Variants in ALB observed in about 807,000 individuals in gnomAD.
ALB encodes serum albumin.
Under a neutral mutation model 74.5 loss-of-function variants are expected in ALB, and 37 were observed. The ratio of observed to expected loss-of-function variants is 0.50; its 90% CI spans 0.38 to 0.65. The LOEUF is 0.65. ALB is among the 30% of genes least tolerant of loss of function. The probability of loss-of-function intolerance (pLI) is 0.00; values close to 1 mark genes in which losing one functional copy is unlikely to be tolerated. For synonymous variants in ALB, 249 were observed against 251.6 expected, an observed-to-expected ratio of 0.99 and a Z score of 0.10; for missense variants, 685 against 718.7, an observed-to-expected ratio of 0.95 and a Z score of 0.54.
chr4:73,419,452 A>G (rs1376425261), intron 12 of ALB, 55 bp from the exon 13 acceptor site: 37 of 1,553,834 alleles, frequency 2.4e-5, no homozygotes, highest in South Asian at 5.8e-5. Context: ...CCATTTTTCT[A>G]TACGTGAGTA....
In ALB at chr4:73,413,342, G is replaced by A. The variant is rs1433294596; in HGVS notation, c.844-78G>A. 3 of 1,308,514 alleles carry A rather than the reference G, an allele frequency of 2.3e-6. No individual in the cohort carries two copies. The African/African-American group carries it at 4.4e-5, about 19-fold the overall frequency. 81.1% of individuals were successfully genotyped at this position (1,308,514 alleles called of 1,614,324 possible). A position where few individuals can be genotyped will look rare whatever the true frequency, so the allele number is the denominator to read the frequency against. On this transcript the variant is annotated intron_variant, in intron 7 of 14. Transcript: ENST00000295897. ...TCTTAGAATACAATGAATATGTTCT[G>A]CCAACTTAATAAAGGTCTGAGGAGA...
intron 10 of ALB, 29 bp from the exon 11 acceptor site, chr4:73,417,502 G>C (rs1376236677): frequency 6.2e-7 from 1 of 1,613,374 alleles, no homozygotes; most frequent in African/African-American, 1.3e-5. Flanking sequence ...TTCTTGCCTT[G>C]CTGAAAACAC....
rs190082985 is a variant in ALB, at chr4:73,419,417, G to C, written c.1653-90G>C. 34 of 1,406,770 alleles carry C rather than the reference G, an allele frequency of 2.4e-5. No individual in the cohort carries two copies. The East Asian group carries it at 8.1e-4, about 34-fold the overall frequency. The allele number at this position is 1,406,770 out of a possible 1,614,324, so 87.1% of individuals were successfully genotyped here. A position where few individuals can be genotyped will look rare whatever the true frequency, so the allele number is the denominator to read the frequency against. The stretch of plus-strand genomic sequence containing the variant: ...GGCTCCAAGATTTATAATCTTAAAT[G>C]ATGGGACTACCATCCTTACTCTCTC... On this transcript the variant is annotated intron_variant, in intron 12 of 14. Transcript: ENST00000295897.
Sources: allele counts gnomAD v4.1 joint callset, GRCh38; gene constraint gnomAD v4.1.1; transcripts MANE v1.5; gene names NCBI Gene and HGNC (gene_info 2026-07-23, HGNC 2026-07-21).